The following BAG2 variants were observed in gnomAD, a reference collection of about 807,000 sequenced individuals.
BAG2 encodes the protein BAG family molecular chaperone regulator 2.
A neutral mutation model predicts 16.4 loss-of-function variants in BAG2; 8 were observed. The ratio of observed to expected loss-of-function variants is 0.49; its 90% confidence interval spans 0.29 to 0.88. BAG2 has a LOEUF of 0.88. BAG2 is among the 40% of genes least tolerant of loss of function. BAG2 has a pLI of 0.09. For missense variants in BAG2, 218 were observed against 248.9 expected (o/e 0.88, Z 0.84); for synonymous variants, 82 against 89.2 (o/e 0.92, Z 0.46).
rs571856902 is a variant in BAG2 at position 57,188,120 on chromosome 6, G to T, written c.*3930G>T. 3.9e-5 allele frequency: 6 copies of T among 152,184 alleles called. No individual in the cohort carries two copies. Among genetic ancestry groups the T allele is most frequent in the Non-Finnish European group, 8.8e-5 (6 of 67,960 alleles). The allele number at this position is 152,184 out of a possible 1,614,324, so 9.4% of individuals were successfully genotyped here. On this transcript the variant is annotated 3_prime_UTR_variant, in exon 3 of 3. Coordinates refer to ENST00000370693, the MANE Select transcript of BAG2 (RefSeq NM_004282.4). ...AAATGCACAATCACCTGGAATCTTG[G>T]AAAAGTTTTTCTTTAGTATACATGG...
intron 1 of BAG2, among the ~76,000 whole-genome samples, chr6:57,177,468 ATTTGCCAT>A (rs1272358656): frequency 1.3e-5 from 2 of 152,150 alleles, no homozygotes; most frequent in East Asian, 3.8e-4. Flanking sequence ...TGGTATGAGC[ATTTGCCAT>A]TTTCCCTCCT....
In BAG2 at chr6:57,183,788, A is replaced by G. The variant is rs749966772; in HGVS notation, c.234A>G (p.Glu78=). The G allele has an allele frequency of 6.4e-7, 1 of 1,562,660 alleles. No individual in the cohort carries two copies. The highest frequency in any genetic ancestry group is 8.7e-7 in the Non-Finnish European group (1 of 1,155,636). The change falls in exon 3 of 3, where the codon GAA becomes GAG. Residue 78 remains glutamate (E), a synonymous_variant. Transcript: ENST00000370693. ...DMRQISDGER[E]ELNLTANRLM... The stretch of plus-strand genomic sequence containing the variant: ...CATATTGATTTTTAGGAGAAAGAGA[A>G]GAATTAAATCTGACTGCAAACCGTT...
At chr6:57,177,308 C>T (rs1475980171) in intron 1 of BAG2, among the ~76,000 whole-genome samples, 2 of 151,976 alleles carry the variant, frequency 1.3e-5, no homozygotes, top group East Asian at 1.9e-4. Flanking sequence ...CCTAGCCACT[C>T]GGGAGGCTGA....
rs1233679336 is a variant in BAG2, at chr6:57,188,218, G to T, written c.*4028G>T. 1 of 152,114 alleles carries T rather than the reference G, an allele frequency of 6.6e-6. No homozygotes were observed. The highest frequency in any genetic ancestry group is 1.5e-5 in the Non-Finnish European group (1 of 68,000). The allele number at this position is 152,114 out of a possible 1,614,324, so 9.4% of individuals were successfully genotyped here. ...AAATGTCAATTTTTGAAGGCTTTAA[G>T]AATTGATTAAATTGAGAAATTAACA... On this transcript the variant is annotated 3_prime_UTR_variant, in exon 3 of 3. Transcript: ENST00000370693.
At chr6:57,183,662 G>A in intron 2 of BAG2, 116 bp from the exon 3 acceptor site, 1 of 870,046 alleles carries the variant, frequency 1.1e-6, no homozygotes, top group Non-Finnish European at 1.7e-6. Context: ...TATAGTTTCA[G>A]CTTTTATCTC....
chr6:57,178,872 A>G (rs1466955269), intron 1 of BAG2, among the ~76,000 whole-genome samples: 1 of 152,202 alleles, frequency 6.6e-6, no homozygotes, highest in African/African-American at 2.4e-5. Context: ...TTTTCGTCAT[A>G]TGACAGGCTT....
rs1764648090 is a variant in BAG2, at chr6:57,187,515, T to C, written c.*3325T>C. 1.3e-5 allele frequency: 2 copies of C among 152,174 alleles called. No homozygotes were observed. The highest frequency in any genetic ancestry group is 2.9e-5 in the Non-Finnish European group (2 of 68,014). The allele number at this position is 152,174 out of a possible 1,614,324, so 9.4% of individuals were successfully genotyped here. ...GTGGAACAAGCTTTCACCTCATCAA[T>C]GCATTTTGTTTTCAGAGAAACAGAC... On this transcript the variant is annotated 3_prime_UTR_variant, in exon 3 of 3. Transcript: ENST00000370693.
At position 57,172,932 on chromosome 6, in the gene BAG2, C is replaced by G. The variant is rs868132228; in HGVS notation, c.113+122C>G. ...TGGGGCACAGTGAGGCTGCGGCAAC[C>G]GAAGTTGCTTGTTGAGATTTGTTGT... On this transcript the variant is annotated intron_variant, in intron 1 of 2. Transcript: ENST00000370693. 120 of 877,308 alleles carry G rather than the reference C, an allele frequency of 1.4e-4. 2 individuals are homozygous for G. Among genetic ancestry groups the G allele is most frequent in the Middle Eastern group, 3.7e-4 (1 of 2,708 alleles). 54.3% of individuals were successfully genotyped at this position (877,308 alleles called of 1,614,324 possible).
chr6:57,174,157 G>A, intron 1 of BAG2: 1 of 1,043,058 alleles, frequency 9.6e-7, no homozygotes. Context: ...GAAATTGGTG[G>A]CCTCAGTTAC....
intron 2 of BAG2, among the ~76,000 whole-genome samples, chr6:57,182,434 A>C (rs2127993310): frequency 6.6e-6 from 1 of 151,898 alleles, no homozygotes; most frequent in East Asian, 1.9e-4. Context: ...TCCCAGGTTC[A>C]CAGTCCTAAC....
At chr6:57,179,737 C>T (rs1053562209) in intron 1 of BAG2, among the ~76,000 whole-genome samples, 10 of 151,982 alleles carry the variant, frequency 6.6e-5, no homozygotes, top group African/African-American at 1.9e-4. Flanking sequence ...CTTTATTTTG[C>T]CCTTATTCCA....
In BAG2 at chr6:57,186,332, T is replaced by G. The variant is rs1336887151; in HGVS notation, c.*2142T>G. ...CTTCATGAGGTTTCATTTTTTCTTT[T>G]CTGAGATGGAGTCTTGCTCTGTTGC... On this transcript the variant is annotated 3_prime_UTR_variant, in exon 3 of 3. Transcript: ENST00000370693. 1 of 152,502 alleles carries G rather than the reference T, an allele frequency of 6.6e-6. No individual in the cohort carries two copies. 9.4% of individuals were successfully genotyped at this position (152,502 alleles called of 1,614,324 possible). A position where few individuals can be genotyped will look rare whatever the true frequency, so the allele number is the denominator to read the frequency against.
At position 57,185,390 on chromosome 6, in the gene BAG2, A is replaced by G. The variant is rs984246686; in HGVS notation, c.*1200A>G. On this transcript the variant is annotated 3_prime_UTR_variant, in exon 3 of 3. Coordinates refer to ENST00000370693, the MANE Select transcript of BAG2 (RefSeq NM_004282.4). ...AACCACAACAACTTCCCTGGATACT[A>G]TTTTGAAATGAACACATCAATTTTT... 6 of 152,204 alleles carry G rather than the reference A, an allele frequency of 3.9e-5. No individual in the cohort carries two copies. The highest frequency in any genetic ancestry group is 8.8e-5 in the Non-Finnish European group (6 of 68,044). The allele number at this position is 152,204 out of a possible 1,614,324, so 9.4% of individuals were successfully genotyped here. A position where few individuals can be genotyped will look rare whatever the true frequency, so the allele number is the denominator to read the frequency against.
Position 57,185,266 on chromosome 6 carries a change from AG to A in BAG2, c.*1078del, listed in dbSNP as rs1764589911. 1 of 152,206 alleles carries A rather than the reference AG, an allele frequency of 6.6e-6. No homozygotes were observed. The allele number at this position is 152,206 out of a possible 1,614,324, so 9.4% of individuals were successfully genotyped here. On this transcript the variant is annotated 3_prime_UTR_variant, in exon 3 of 3. Coordinates refer to ENST00000370693, the MANE Select transcript of BAG2 (RefSeq NM_004282.4). Reference sequence around the variant, plus strand: ...CTAGTTTGCATTTTGTTTACTAAAAAGGTTGACCAGTGTGTTGATTCTTCTT... The same window carrying A: ...CTAGTTTGCATTTTGTTTACTAAAAAGTTGACCAGTGTGTTGATTCTTCTT...
chr6:57,177,355 G>GC, intron 1 of BAG2, among the ~76,000 whole-genome samples: 1 of 152,130 alleles, frequency 6.6e-6, no homozygotes, highest in Non-Finnish European at 1.5e-5. Flanking sequence ...GGTGGAGGTT[G>GC]CAGTGAGCTG....
At position 57,172,673 on chromosome 6, in the gene BAG2, T is replaced by A. The variant is rs1398599876; in HGVS notation, c.-25T>A. The A allele has an allele frequency of 6.6e-7, 1 of 1,504,668 alleles. No homozygotes were observed. Among genetic ancestry groups the A allele is most frequent in the African/African-American group, 1.5e-5 (1 of 68,962 alleles). 93.2% of individuals were successfully genotyped at this position (1,504,668 alleles called of 1,614,324 possible). On this transcript the variant is annotated 5_prime_UTR_variant, in exon 1 of 3. Transcript: ENST00000370693. Reference sequence around the variant, plus strand: ...GCCGCCGGAGGGGCCGGTGACCTCTTGGCTACCCCGCGTCGGAGGCTTAGA... The same window carrying A: ...GCCGCCGGAGGGGCCGGTGACCTCTAGGCTACCCCGCGTCGGAGGCTTAGA...
intron 1 of BAG2, 66 bp downstream of exon 1, chr6:57,172,876 G>T (rs115224295): frequency 1.5e-6 from 2 of 1,310,134 alleles, no homozygotes; most frequent in East Asian, 3.1e-5. Flanking sequence ...GGCGGTTAGC[G>T]GACGGAGGCC....
rs528844604 is a variant in BAG2, at chr6:57,188,551, G to GTAT, written c.*4366_*4368dup. On this transcript the variant is annotated 3_prime_UTR_variant, in exon 3 of 3. Coordinates refer to ENST00000370693, the MANE Select transcript of BAG2 (RefSeq NM_004282.4). The stretch of plus-strand genomic sequence containing the variant: ...AAGACAAAAGACTATTTGTTGCAAA[G>GTAT]TATTATTTTGTGCAAAAATTAAAGA... 6 of 152,200 alleles carry GTAT rather than the reference G, an allele frequency of 3.9e-5. No homozygotes were observed. The East Asian group carries it at 9.6e-4, about 24-fold the overall frequency. The allele number at this position is 152,200 out of a possible 1,614,324, so 9.4% of individuals were successfully genotyped here. A position where few individuals can be genotyped will look rare whatever the true frequency, so the allele number is the denominator to read the frequency against.
At chr6:57,180,525 G>A (rs866246748) in intron 1 of BAG2, among the ~76,000 whole-genome samples, 3 of 151,956 alleles carry the variant, frequency 2.0e-5, no homozygotes, top group South Asian at 4.2e-4. Flanking sequence ...GATAAATAGC[G>A]AATATACATT....
Sources: allele counts gnomAD v4.1 joint callset (sites outside exome capture counted in the v4.1 genomes callset), GRCh38; gene constraint gnomAD v4.1.1; transcripts MANE v1.5; gene names NCBI Gene and HGNC (gene_info 2026-07-23, HGNC 2026-07-21).